The following CFAP54 variants were observed in gnomAD, a reference collection of about 807,000 sequenced individuals.
The protein encoded by CFAP54 is cilia- and flagella-associated protein 54.
In CFAP54, 290 loss-of-function variants were observed where a neutral mutation model predicts 370.4. The observed-to-expected ratio is 0.78, with a 90% confidence interval of 0.71 to 0.86. CFAP54 has a LOEUF of 0.86. Among genes scored for constraint, CFAP54 ranks in the 40% least tolerant of loss-of-function variants. The pLI, the probability that CFAP54 is intolerant of heterozygous loss-of-function variation, is 0.00. For missense variants in CFAP54, 3,399 were observed against 3,528.7 expected, an observed-to-expected ratio of 0.96 and a Z score of 0.93; for synonymous variants, 1,206 against 1,236.5, an observed-to-expected ratio of 0.98 and a Z score of 0.52.
intron 14 of CFAP54, among the ~76,000 whole-genome samples, chr12:96,542,706 A>G (rs1955590057): frequency 3.3e-5 from 5 of 152,238 alleles, no homozygotes; most frequent in African/African-American, 7.2e-5. Flanking sequence ...TTTTCAAAAC[A>G]TAAAACCACA....
chr12:96,710,235 C>A (rs555929015), intron 48 of CFAP54, among the ~76,000 whole-genome samples: 2 of 151,962 alleles, frequency 1.3e-5, no homozygotes, highest in African/African-American at 4.8e-5. Context: ...AAAATAGTTA[C>A]AGTTTCCAAG....
At chr12:96,772,475 C>T (rs981577344) in intron 60 of CFAP54, among the ~76,000 whole-genome samples, 1 of 152,180 alleles carries the variant, frequency 6.6e-6, no homozygotes, top group South Asian at 2.1e-4. Context: ...TGACCCGAAA[C>T]ATACTCCTCT....
chr12:96,704,367 C>T (rs1164795332), intron 46 of CFAP54, among the ~76,000 whole-genome samples: 1 of 143,970 alleles, frequency 6.9e-6, no homozygotes, highest in African/African-American at 2.6e-5. Context: ...GTGGAGCTTG[C>T]AGTGAGCTGA....
chr12:96,699,040 C>G (rs1017557173), intron 45 of CFAP54, among the ~76,000 whole-genome samples: 1 of 152,156 alleles, frequency 6.6e-6, no homozygotes, highest in Non-Finnish European at 1.5e-5. Context: ...CACAATCAGT[C>G]TGATTGGTTG....
chr12:96,515,334 C>G (rs1011579310), intron 5 of CFAP54, among the ~76,000 whole-genome samples: 2 of 151,732 alleles, frequency 1.3e-5, no homozygotes, highest in African/African-American at 4.8e-5. Flanking sequence ...TTCTGTGGTG[C>G]CAGTCTTGTG....
intron 33 of CFAP54, chr12:96,647,214 C>T (rs1383874794): frequency 6.6e-6 from 1 of 151,916 alleles, no homozygotes; most frequent in African/African-American, 2.4e-5. Context: ...TGGCTCACAC[C>T]TGTAATCCCA....
chr12:96,848,656 C>G (rs1329061046), intron 66 of CFAP54, among the ~76,000 whole-genome samples: 2 of 152,132 alleles, frequency 1.3e-5, no homozygotes, highest in Non-Finnish European at 2.9e-5. Flanking sequence ...TGAGATCGCA[C>G]CACTGCACTC....
At chr12:96,582,397 G>T (rs970105987) in intron 22 of CFAP54, among the ~76,000 whole-genome samples, 1 of 151,990 alleles carries the variant, frequency 6.6e-6, no homozygotes, top group Non-Finnish European at 1.5e-5. Flanking sequence ...TCTAAATTTT[G>T]TCATATTTCT....
In CFAP54 at chr12:96,871,848, T is replaced by C. The variant is rs2136474002; in HGVS notation, c.*15-3270T>C. ...CACTTCTGGACAGATCAGTAGAAAT[T>C]ATCTAAGCACTGAGAAAAAAATGAT... On this transcript the variant is annotated intron_variant, in intron 67 of 67. Coordinates refer to ENST00000524981, the MANE Select transcript of CFAP54 (RefSeq NM_001306084.2). 2.0e-5 allele frequency among the ~76,000 whole-genome samples: 3 copies of C among 152,220 alleles called. No individual in the cohort carries two copies. The Middle Eastern group carries it at 0.01, about 518-fold the overall frequency.
intron 32 of CFAP54, among the ~76,000 whole-genome samples, chr12:96,638,580 A>G (rs1229178113): frequency 6.6e-6 from 1 of 151,868 alleles, no homozygotes; most frequent in Admixed American, 6.6e-5. Flanking sequence ...ATTCTCATTT[A>G]GTTCTATATG....
chr12:96,524,176 CT>C (rs2136371884), intron 8 of CFAP54, among the ~76,000 whole-genome samples: 1 of 152,108 alleles, frequency 6.6e-6, no homozygotes, highest in South Asian at 2.1e-4. Context: ...TCAAAAGATT[CT>C]TTTAAAGGAC....
At chr12:96,641,405 G>C (rs1018331727) in intron 32 of CFAP54, among the ~76,000 whole-genome samples, 1 of 152,050 alleles carries the variant, frequency 6.6e-6, no homozygotes, top group Non-Finnish European at 1.5e-5. Context: ...TTAGAATGGC[G>C]ATCATTAAAA....
chr12:96,776,927 C>T lies in CFAP54; in HGVS notation c.8282-7790C>T, dbSNP rs75497372. Among the ~76,000 whole-genome samples, 1,146 of 152,224 alleles carry T rather than the reference C, an allele frequency of 7.5e-3. 14 individuals are homozygous for T. The highest frequency in any genetic ancestry group is 0.026 in the African/African-American group (1,089 of 41,522). On this transcript the variant is annotated intron_variant, in intron 60 of 67. Coordinates refer to ENST00000524981, the MANE Select transcript of CFAP54 (RefSeq NM_001306084.2). ...TCACCACAATTCCTATCAGAAAATT[C>T]TAAGTATTGAAAAGTTCATAGTGGT...
intron 20 of CFAP54, among the ~76,000 whole-genome samples, chr12:96,579,432 GT>G (rs1283036683): frequency 1.3e-4 from 20 of 152,292 alleles, no homozygotes; most frequent in Admixed American, 1.2e-3. Context: ...TTTTAAAGAA[GT>G]AATTCTGGAG....
At chr12:96,672,245 G>A (rs1377127284) in intron 39 of CFAP54, among the ~76,000 whole-genome samples, 2 of 152,194 alleles carry the variant, frequency 1.3e-5, no homozygotes, top group Non-Finnish European at 2.9e-5. Context: ...GGCAGAGAGA[G>A]AGAGTGGGAT....
intron 27 of CFAP54, among the ~76,000 whole-genome samples, 158 bp downstream of exon 27, chr12:96,621,879 T>TTG (rs1956497537): frequency 3.7e-4 from 13 of 34,842 alleles, no homozygotes; most frequent in East Asian, 1.8e-3. Flanking sequence ...GGGTTTGTTT[T>TTG]TTTTTTTTTT....
At chr12:96,839,679 C>G (rs908498595) in intron 66 of CFAP54, among the ~76,000 whole-genome samples, 1 of 152,194 alleles carries the variant, frequency 6.6e-6, no homozygotes, top group Non-Finnish European at 1.5e-5. Context: ...TATTTCTGCT[C>G]CAAGATACCT....
intron 20 of CFAP54, among the ~76,000 whole-genome samples, chr12:96,577,400 A>G (rs890266885): frequency 2.0e-5 from 3 of 152,244 alleles, no homozygotes; most frequent in Non-Finnish European, 1.5e-5. Flanking sequence ...TACCTAATTT[A>G]TATTTTACAA....
chr12:96,782,815 G>A (rs1366848128), intron 60 of CFAP54, among the ~76,000 whole-genome samples: 1 of 152,126 alleles, frequency 6.6e-6, no homozygotes, highest in Non-Finnish European at 1.5e-5. Flanking sequence ...CCACATCCAG[G>A]TAATTTGTGC....
Sources: allele counts gnomAD v4.1 joint callset (sites outside exome capture counted in the v4.1 genomes callset), GRCh38; gene constraint gnomAD v4.1.1; transcripts MANE v1.5; gene names NCBI Gene and HGNC (gene_info 2026-07-23, HGNC 2026-07-21).